Variants in SVIL observed in about 807,000 individuals in gnomAD.
SVIL encodes supervillin.
A neutral mutation model predicts 240.4 loss-of-function variants in SVIL; 101 were observed. The observed-to-expected ratio is 0.42, with a 90% CI of 0.36 to 0.50. SVIL has a LOEUF of 0.50. SVIL is among the 20% of genes least tolerant of loss of function. SVIL has a pLI of 0.01. For synonymous variants in SVIL, 999 were observed against 1,100.0 expected (o/e 0.91, Z 1.82); for missense variants, 2,512 against 2,818.7 (o/e 0.89, Z 2.46).
chr10:29,692,708 G>A (rs1961609580), intron 1 of SVIL, among the ~76,000 whole-genome samples: 1 of 151,602 alleles, frequency 6.6e-6, no homozygotes, highest in African/African-American at 2.4e-5. Context: ...GCCCAGATTG[G>A]TTTCAAACTC....
At chr10:29,541,838 G>A (rs1420389587) in intron 6 of SVIL, among the ~76,000 whole-genome samples, 1 of 152,110 alleles carries the variant, frequency 6.6e-6, no homozygotes, top group Non-Finnish European at 1.5e-5. Flanking sequence ...ACAAGTGGCC[G>A]ATGATTTTCT....
chr10:29,471,960 G>A (rs945332397), intron 30 of SVIL, among the ~76,000 whole-genome samples: 16 of 152,148 alleles, frequency 1.1e-4, no homozygotes, highest in Non-Finnish European at 5.9e-5. Flanking sequence ...CTGGACCATG[G>A]CTCATGCCTG....
chr10:29,517,767 A>C (rs1950313340), intron 16 of SVIL, among the ~76,000 whole-genome samples: 1 of 152,218 alleles, frequency 6.6e-6, no homozygotes, highest in South Asian at 2.1e-4. Context: ...AAGTGAAAGG[A>C]TGGCTCTTTT....
intron 1 of SVIL, among the ~76,000 whole-genome samples, chr10:29,689,463 T>C (rs1022029363): frequency 1.3e-5 from 2 of 152,180 alleles, no homozygotes; most frequent in African/African-American, 4.8e-5. Context: ...TTTTTGTATT[T>C]TTAGTAGAGA....
intron 2 of SVIL, among the ~76,000 whole-genome samples, chr10:29,677,706 C>T (rs1367589094): frequency 6.6e-6 from 1 of 152,188 alleles, no homozygotes; most frequent in Non-Finnish European, 1.5e-5. Flanking sequence ...CAGGCACGAG[C>T]CACTGTGACC....
At chr10:29,665,927 GA>G (rs1959249740) in intron 2 of SVIL, among the ~76,000 whole-genome samples, 1 of 152,140 alleles carries the variant, frequency 6.6e-6, no homozygotes, top group Admixed American at 6.5e-5. Flanking sequence ...CATAACGGGG[GA>G]AAAAAGGGGA....
At chr10:29,609,026 C>G (rs1957135168) in intron 1 of SVIL, among the ~76,000 whole-genome samples, 1 of 152,190 alleles carries the variant, frequency 6.6e-6, no homozygotes, top group African/African-American at 2.4e-5. Context: ...CCATAAAAAC[C>G]CCAGACTCAG....
chr10:29,604,917 G>C (rs1323729134), intron 1 of SVIL, among the ~76,000 whole-genome samples: 1 of 151,992 alleles, frequency 6.6e-6, no homozygotes, highest in Admixed American at 6.6e-5. Context: ...TACAGTATGG[G>C]GAAAAAACAG....
chr10:29,721,133 C>T (rs913175602), intron 1 of SVIL, among the ~76,000 whole-genome samples: 2 of 152,118 alleles, frequency 1.3e-5, no homozygotes, highest in Non-Finnish European at 2.9e-5. Context: ...CAAGTGTGAG[C>T]CCCTATGCCC....
chr10:29,728,852 A>G (rs1337218956), intron 1 of SVIL, among the ~76,000 whole-genome samples: 2 of 151,798 alleles, frequency 1.3e-5, no homozygotes, highest in African/African-American at 4.8e-5. Context: ...ATTAAACACC[A>G]ATGACAGATG....
At chr10:29,607,310 C>T (rs1957063203) in intron 1 of SVIL, among the ~76,000 whole-genome samples, 1 of 152,150 alleles carries the variant, frequency 6.6e-6, no homozygotes, top group African/African-American at 2.4e-5. Context: ...ATTACTGAGG[C>T]TGTGTAATGC....
Position 29,567,978 on chromosome 10 carries a change from C to G in SVIL, c.-143+1277G>C, listed in dbSNP as rs1279274637. ...CTTGCAGTGAGCTGAGATCGCGTCACTGCACTCCAGCCTGGGTGACAGAGA... is the reference window on the plus strand; with the variant it reads ...CTTGCAGTGAGCTGAGATCGCGTCAGTGCACTCCAGCCTGGGTGACAGAGA... On this transcript the variant is annotated intron_variant, in intron 2 of 37. Transcript: ENST00000355867. Among the ~76,000 whole-genome samples, 8 of 149,758 alleles carry G rather than the reference C, an allele frequency of 5.3e-5. No individual in the cohort carries two copies. The East Asian group carries it at 1.6e-3, about 30-fold the overall frequency.
At chr10:29,721,563 T>C (rs1010980492) in intron 1 of SVIL, among the ~76,000 whole-genome samples, 1 of 151,968 alleles carries the variant, frequency 6.6e-6, no homozygotes, top group African/African-American at 2.4e-5. Flanking sequence ...TGAAGTGGCT[T>C]TATAAATAAC....
At chr10:29,610,560 C>G (rs924548753) in intron 1 of SVIL, among the ~76,000 whole-genome samples, 4 of 151,336 alleles carry the variant, frequency 2.6e-5, no homozygotes, top group Admixed American at 1.3e-4. Flanking sequence ...AAGCAGTTCT[C>G]CAGGCATGCT....
intron 1 of SVIL, among the ~76,000 whole-genome samples, chr10:29,601,838 T>A (rs1956823524): frequency 6.6e-6 from 1 of 152,210 alleles, no homozygotes; most frequent in South Asian, 2.1e-4. Flanking sequence ...TGGCATCATC[T>A]CCTGCTCAGC....
At chr10:29,703,898 C>T (rs1293868851) in intron 1 of SVIL, among the ~76,000 whole-genome samples, 1 of 152,142 alleles carries the variant, frequency 6.6e-6, no homozygotes, top group Non-Finnish European at 1.5e-5. Flanking sequence ...AACTCCTGGG[C>T]TCAAGTGATC....
intron 17 of SVIL, among the ~76,000 whole-genome samples, chr10:29,505,209 G>A (rs143918448): frequency 0.016 from 2,449 of 152,084 alleles, 63 homozygotes; most frequent in African/African-American, 0.055. Context: ...GCCTGCAATC[G>A]CAGCTACTCA....
intron 1 of SVIL, among the ~76,000 whole-genome samples, chr10:29,730,877 C>T (rs1179096559): frequency 3.0e-4 from 46 of 152,178 alleles, no homozygotes; most frequent in African/African-American, 1.2e-4. Context: ...GCTGGAGCTA[C>T]TAGAGGGCCA....
chr10:29,665,227 C>CAAAAAAA (rs58164251), intron 2 of SVIL, among the ~76,000 whole-genome samples: 1 of 67,410 alleles, frequency 1.5e-5, no homozygotes, highest in African/African-American at 6.2e-5. Flanking sequence ...GATCTTGTCT[C>CAAAAAAA]AAAAAAAAAA....
Sources: allele counts gnomAD v4.1 joint callset (sites outside exome capture counted in the v4.1 genomes callset), GRCh38; gene constraint gnomAD v4.1.1; transcripts MANE v1.5; gene names NCBI Gene and HGNC (gene_info 2026-07-23, HGNC 2026-07-21).